The following M1AP variants were observed in gnomAD, a reference collection of about 807,000 sequenced individuals.
M1AP encodes the protein meiosis 1 arrest protein.
A neutral mutation model predicts 51.2 loss-of-function variants in M1AP; 39 were observed. The ratio of observed to expected loss-of-function variants is 0.76; its 90% CI spans 0.59 to 1.00. The LOEUF is 1.00. Among genes scored for constraint, M1AP ranks in the 50% least tolerant of loss-of-function variants. M1AP has a pLI of 0.00. For missense variants in M1AP, 545 were observed against 641.2 expected (o/e 0.85, Z 1.62); for synonymous variants, 251 against 249.2 (o/e 1.01, Z -0.07).
chr2:74,582,939 T>G (rs1679499141), intron 4 of M1AP, among the ~76,000 whole-genome samples: 1 of 152,110 alleles, frequency 6.6e-6, no homozygotes, highest in Non-Finnish European at 1.5e-5. Context: ...GAGAATTGCT[T>G]GAATCTGGGA....
At chr2:74,644,497 C>T (rs886276608) in intron 1 of M1AP, among the ~76,000 whole-genome samples, 1 of 149,558 alleles carries the variant, frequency 6.7e-6, no homozygotes, top group Non-Finnish European at 1.5e-5. Flanking sequence ...AAGATCGCGC[C>T]ATTGCACTCC....
intron 3 of M1AP, among the ~76,000 whole-genome samples, chr2:74,610,585 A>C (rs979819560): frequency 1.3e-5 from 2 of 152,114 alleles, no homozygotes; most frequent in Admixed American, 6.5e-5. Context: ...GGTAGTTGGA[A>C]CTACAGGTAT....
rs747820369 is a variant in M1AP, at chr2:74,560,166, G to C, written c.1407C>G (p.Ser469Arg). 1 of 1,613,830 alleles carries C rather than the reference G, an allele frequency of 6.2e-7. No individual in the cohort carries two copies. The highest frequency in any genetic ancestry group is 8.5e-7 in the Non-Finnish European group (1 of 1,179,998). Reference sequence around the variant, plus strand: ...GGAGCGGTACCTTTCTCGGAGCTCGGCTCTCCCAGTGTGGGTGGAGCCGCC... The same window carrying C: ...GGAGCGGTACCTTTCTCGGAGCTCGCCTCTCCCAGTGTGGGTGGAGCCGCC... Reference protein sequence around the residue: ...PQGRLHPHWESRAPRKHPCKT... With the variant: ...PQGRLHPHWERRAPRKHPCKT... The change falls in exon 9 of 11, where the codon AGC becomes AGG. Residue 469 changes from serine (S) to arginine (R), a missense_variant. Transcript: ENST00000421985.
In M1AP at chr2:74,576,578, T is replaced by C. The variant is rs143537845; in HGVS notation, c.810A>G (p.Pro270=). ...CGTCAGCTGTGCCAGCGAGTAGGGA[T>C]GGGCAGAGCAGTCGCTCTTGGAGAT... ...KCDLQERLLC[P]SLLAGTADGS... The change falls in exon 6 of 11, where the codon CCA becomes CCG. Residue 270 remains proline, a synonymous_variant. Transcript: ENST00000421985. 708 of 1,614,118 alleles carry C rather than the reference T, an allele frequency of 4.4e-4. 4 individuals carry two copies. In the East Asian group the frequency reaches 0.014, roughly 32 times the overall value.
chr2:74,614,637 G>A (rs763407873), intron 3 of M1AP, among the ~76,000 whole-genome samples: 2 of 152,198 alleles, frequency 1.3e-5, no homozygotes, highest in Admixed American at 1.3e-4. Context: ...AGCTACCAAT[G>A]TAGGCAGTTT....
In M1AP at chr2:74,558,602, C is replaced by T; in HGVS notation, c.*114G>A. 1 of 1,268,196 alleles carries T rather than the reference C, an allele frequency of 7.9e-7. No homozygotes were observed. 78.6% of individuals were successfully genotyped at this position (1,268,196 alleles called of 1,614,324 possible). A position where few individuals can be genotyped will look rare whatever the true frequency, so the allele number is the denominator to read the frequency against. Reference sequence around the variant, plus strand: ...GGAAGGCTGTTGTTTCCCAGTCAGCCCTCACTCACAGAGGCTCAGGCGGAT... The same window carrying T: ...GGAAGGCTGTTGTTTCCCAGTCAGCTCTCACTCACAGAGGCTCAGGCGGAT... On this transcript the variant is annotated 3_prime_UTR_variant, in exon 11 of 11. Coordinates refer to ENST00000421985, the MANE Select transcript of M1AP (RefSeq NM_001321739.2).
chr2:74,599,856 G>A (rs1244370968), intron 4 of M1AP, among the ~76,000 whole-genome samples: 1 of 149,984 alleles, frequency 6.7e-6, no homozygotes, highest in Non-Finnish European at 1.5e-5. Context: ...TTAAAGAGGT[G>A]GAGTCTTGCT....
At chr2:74,629,751 CA>C (rs61660960) in intron 2 of M1AP, among the ~76,000 whole-genome samples, 108 of 137,650 alleles carry the variant, frequency 7.8e-4, no homozygotes, top group African/African-American at 8.6e-4. Flanking sequence ...GATTCTGTCT[CA>C]AAAAAAAAAA....
chr2:74,569,876 TTGTGTGTGTGTGTGTA>T (rs998518254), intron 7 of M1AP, among the ~76,000 whole-genome samples: 1 of 149,296 alleles, frequency 6.7e-6, no homozygotes, highest in African/African-American at 2.5e-5. Context: ...TAGAGATAAT[TTGTGTGTGTGTGTGTA>T]TGTGTGTGTG....
intron 4 of M1AP, among the ~76,000 whole-genome samples, chr2:74,590,663 C>T (rs1183418938): frequency 6.6e-6 from 1 of 152,150 alleles, no homozygotes; most frequent in Non-Finnish European, 1.5e-5. Context: ...GGGGACTGCC[C>T]TATGAGAGAA....
chr2:74,581,678 A>G lies in M1AP; in HGVS notation c.765T>C (p.Asn255=). The part of the protein sequence containing the change: ...CFSNISRPRD[N]PMCLKCDLQE... Reference sequence around the variant, plus strand: ...TATCTTTTGGGGATTATGTACTTGGATTATCTCTGGGTCTGGAAATGTTGC... The same window carrying G: ...TATCTTTTGGGGATTATGTACTTGGGTTATCTCTGGGTCTGGAAATGTTGC... Residue 255 remains asparagine, a synonymous_variant, in exon 5 of 11, where the codon AAT becomes AAC. Transcript: ENST00000421985. 1 of 1,613,404 alleles carries G rather than the reference A, an allele frequency of 6.2e-7. No homozygotes were observed. Among genetic ancestry groups the G allele is most frequent in the Non-Finnish European group, 8.5e-7 (1 of 1,179,482 alleles).
At position 74,562,648 on chromosome 2, in the gene M1AP, C is replaced by G. The variant is rs76541730; in HGVS notation, c.1075-225G>C. On this transcript the variant is annotated intron_variant, in intron 7 of 10. Coordinates refer to ENST00000421985, the MANE Select transcript of M1AP (RefSeq NM_001321739.2). ...TGCCAGAGAGAGTATATAAAAGGGT[C>G]AACAATGGAGAGAAAAGTTAAGAAA... Among the ~76,000 whole-genome samples the G allele has an allele frequency of 3.8e-3, 578 of 152,236 alleles. 2 individuals are homozygous for G. Among genetic ancestry groups the G allele is most frequent in the African/African-American group, 0.013 (554 of 41,518 alleles).
rs530408724 is a variant in M1AP, at chr2:74,621,562, G to A, written c.241-6413C>T. On this transcript the variant is annotated intron_variant, in intron 2 of 10. Transcript: ENST00000421985. ...GCACTTTGGGAGGCCGAGGTGGGCG[G>A]ATCATGAGGTCAGGAGATCGAGACC... is the stretch of plus-strand genomic sequence containing the variant. Among the ~76,000 whole-genome samples the A allele has an allele frequency of 3.9e-5, 6 of 152,000 alleles. No individual in the cohort carries two copies. In the South Asian group the frequency reaches 1.2e-3, roughly 32 times the overall value.
At position 74,634,537 on chromosome 2, in the gene M1AP, T is replaced by C. The variant is rs551940727; in HGVS notation, c.240+5499A>G. On this transcript the variant is annotated intron_variant, in intron 2 of 10. Transcript: ENST00000421985. ...CAATTTCATTTCTTCGTGTCCAAGC[T>C]GCATGCCTTTTATTTCCTTTTCTTA... Among the ~76,000 whole-genome samples the C allele has an allele frequency of 4.6e-5, 7 of 152,340 alleles. No homozygotes were observed. The East Asian group carries it at 1.3e-3, about 29-fold the overall frequency.
chr2:74,628,441 G>C (rs778116333), intron 2 of M1AP: 61 of 394,764 alleles, frequency 1.5e-4, no homozygotes, highest in Non-Finnish European at 1.7e-4. Context: ...TAACCATATA[G>C]GTTGGCATCT....
intron 4 of M1AP, among the ~76,000 whole-genome samples, chr2:74,588,697 A>T (rs1679860898): frequency 6.6e-6 from 1 of 152,200 alleles, no homozygotes; most frequent in Non-Finnish European, 1.5e-5. Flanking sequence ...CAGGGCAGAG[A>T]GGTGACTGCA....
chr2:74,628,085 T>C (rs1270605544), intron 2 of M1AP, among the ~76,000 whole-genome samples: 1 of 152,232 alleles, frequency 6.6e-6, no homozygotes, highest in Non-Finnish European at 1.5e-5. Context: ...AACATGTACA[T>C]ACACTACAGA....
At chr2:74,622,321 C>A (rs1342148341) in intron 2 of M1AP, among the ~76,000 whole-genome samples, 1 of 151,874 alleles carries the variant, frequency 6.6e-6, no homozygotes, top group Admixed American at 6.6e-5. Flanking sequence ...CTCACTGCAA[C>A]CCCGCCTCCC....
intron 2 of M1AP, among the ~76,000 whole-genome samples, chr2:74,625,211 T>C (rs1286309301): frequency 2.0e-5 from 3 of 152,202 alleles, no homozygotes; most frequent in Non-Finnish European, 4.4e-5. Context: ...CATTTATATT[T>C]TCTTTTCTGA....
Sources: gnomAD v4.1 joint callset for allele counts (sites outside exome capture counted in the v4.1 genomes callset) on GRCh38, gnomAD v4.1.1 for gene constraint, MANE v1.5 for transcripts, NCBI Gene and HGNC (gene_info 2026-07-23, HGNC 2026-07-21) for gene names.